TMEM154: variants seen among roughly 807,000 people sequenced by gnomAD.
TMEM154 encodes transmembrane protein 154.
In TMEM154, 27 loss-of-function variants were observed where a neutral mutation model predicts 24.5. That is an observed-to-expected ratio of 1.10 (90% confidence interval 0.81 to 1.52). The LOEUF is 1.52. TMEM154 is among the 40% of genes most tolerant of loss of function. The pLI, the probability that TMEM154 is intolerant of heterozygous loss-of-function variation, is 0.00. For missense variants in TMEM154, 228 were observed against 213.4 expected (o/e 1.07, Z -0.43); for synonymous variants, 67 against 76.8 (o/e 0.87, Z 0.67).
chr4:152,643,521 C>A (rs1440154852), intron 4 of TMEM154, among the ~76,000 whole-genome samples: 5 of 152,210 alleles, frequency 3.3e-5, no homozygotes, highest in Admixed American at 3.3e-4. Context: ...CCATATGAAG[C>A]ATTTTAGCCT....
intron 1 of TMEM154, among the ~76,000 whole-genome samples, chr4:152,673,463 G>T (rs915229566): frequency 2.6e-5 from 4 of 152,116 alleles, no homozygotes; most frequent in African/African-American, 9.7e-5. Flanking sequence ...ACCATGCCCA[G>T]CTAATTTTTG....
rs1433826170 is a variant in TMEM154 at position 152,628,203 on chromosome 4, A to G, written c.*343T>C. 3.1e-6 allele frequency: 1 copy of G among 325,566 alleles called. No individual in the cohort carries two copies. The highest frequency in any genetic ancestry group is 5.6e-6 in the Non-Finnish European group (1 of 178,978). The allele number at this position is 325,566 out of a possible 1,614,324, so 20.2% of individuals were successfully genotyped here. A position where few individuals can be genotyped will look rare whatever the true frequency, so the allele number is the denominator to read the frequency against. ...AAGGAATGAAGCAGAAAGGTGACGA[A>G]CATTTATCATGACCAGAGTGAGTTC... On this transcript the variant is annotated 3_prime_UTR_variant, in exon 7 of 7. Transcript: ENST00000304385.
At chr4:152,675,109 A>G (rs534340176) in intron 1 of TMEM154, among the ~76,000 whole-genome samples, 23 of 141,776 alleles carry the variant, frequency 1.6e-4, no homozygotes, top group Non-Finnish European at 3.2e-4. Context: ...GTGAGCCGAG[A>G]TCACACCACT....
intron 1 of TMEM154, among the ~76,000 whole-genome samples, chr4:152,671,695 C>G (rs1362128000): frequency 8.6e-5 from 10 of 115,974 alleles, no homozygotes; most frequent in Admixed American, 3.9e-4. Flanking sequence ...TGCAGTGAGC[C>G]GAGATCCCGC....
chr4:152,665,788 CTTT>C (rs560197111), intron 1 of TMEM154, among the ~76,000 whole-genome samples: 13 of 127,092 alleles, frequency 1.0e-4, no homozygotes, highest in African/African-American at 8.9e-5. Context: ...CAAGAATTTG[CTTT>C]TTTTTTTTTT....
intron 1 of TMEM154, among the ~76,000 whole-genome samples, chr4:152,664,853 T>C (rs1456643760): frequency 6.6e-6 from 1 of 152,240 alleles, no homozygotes; most frequent in Non-Finnish European, 1.5e-5. Context: ...CCCTGCGTTG[T>C]GGAGTAACTG....
intron 1 of TMEM154, chr4:152,668,899 C>A (rs537132461): frequency 6.6e-6 from 1 of 152,230 alleles, no homozygotes; most frequent in Admixed American, 6.5e-5. Flanking sequence ...ATCAGCTAAG[C>A]CCCGAACAGA....
chr4:152,643,219 T>C (rs1340763993), intron 4 of TMEM154, 46 bp from the exon 5 acceptor site: 3 of 1,370,296 alleles, frequency 2.2e-6, no homozygotes, highest in South Asian at 1.2e-5. Flanking sequence ...ATGTGAAAGA[T>C]GCCTAATTTC....
chr4:152,622,468 C>T lies in TMEM154; in HGVS notation c.*6078G>A, dbSNP rs1217007887. ...ATAAAACATTTTAGTAAACAAATATCTTATCCTCAAATACACTTTTATTCT... is the reference window on the plus strand; with the variant it reads ...ATAAAACATTTTAGTAAACAAATATTTTATCCTCAAATACACTTTTATTCT... On this transcript the variant is annotated 3_prime_UTR_variant, in exon 7 of 7. Coordinates refer to ENST00000304385, the MANE Select transcript of TMEM154 (RefSeq NM_152680.3). 1 of 152,050 alleles carries T rather than the reference C, an allele frequency of 6.6e-6. No individual in the cohort carries two copies. The highest frequency in any genetic ancestry group is 6.5e-5 in the Admixed American group (1 of 15,268). The allele number at this position is 152,050 out of a possible 1,614,324, so 9.4% of individuals were successfully genotyped here.
chr4:152,679,802 G>A, intron 1 of TMEM154, 68 bp downstream of exon 1: 1 of 1,561,982 alleles, frequency 6.4e-7, no homozygotes, highest in Admixed American at 1.9e-5. Context: ...GCAGAGTTCT[G>A]TAGCCTCGGG....
intron 3 of TMEM154, chr4:152,646,801 G>T (rs1728250607): frequency 1.7e-6 from 1 of 603,600 alleles, no homozygotes; most frequent in Admixed American, 2.9e-5. Context: ...GGAGCCTCTG[G>T]CTTCCTTTTC....
intron 1 of TMEM154, 84 bp downstream of exon 1, chr4:152,679,786 T>A: frequency 1.3e-6 from 2 of 1,539,924 alleles, no homozygotes; most frequent in Admixed American, 3.9e-5. Flanking sequence ...GGTGTCACCC[T>A]CCCCGGCAGA....
At chr4:152,659,853 G>A (rs1728560835) in intron 1 of TMEM154, among the ~76,000 whole-genome samples, 2 of 152,102 alleles carry the variant, frequency 1.3e-5, no homozygotes, top group Admixed American at 6.5e-5. Context: ...TTATAATTAG[G>A]CACAGTAAGC....
intron 1 of TMEM154, 37 bp from the exon 2 acceptor site, chr4:152,652,964 G>A: frequency 6.5e-7 from 1 of 1,539,408 alleles, no homozygotes; most frequent in Non-Finnish European, 8.7e-7. Context: ...TTTCCATGGA[G>A]ACAAAGTTAG....
intron 6 of TMEM154, 97 bp downstream of exon 6, chr4:152,640,831 A>G: frequency 1.0e-6 from 1 of 985,566 alleles, no homozygotes. Flanking sequence ...TACGAATTAT[A>G]GGCACGGAGG....
intron 3 of TMEM154, chr4:152,646,554 C>T (rs1728239680): frequency 5.4e-6 from 1 of 186,726 alleles, no homozygotes; most frequent in Non-Finnish European, 1.1e-5. Context: ...GAATAGCCAC[C>T]TATTCCCTTT....
At chr4:152,633,546 T>C (rs918233680) in intron 6 of TMEM154, among the ~76,000 whole-genome samples, 1 of 152,266 alleles carries the variant, frequency 6.6e-6, no homozygotes, top group African/African-American at 2.4e-5. Flanking sequence ...TAGCAAACTG[T>C]CACAGAATTG....
At chr4:152,640,340 C>T (rs926023853) in intron 6 of TMEM154, among the ~76,000 whole-genome samples, 2 of 152,126 alleles carry the variant, frequency 1.3e-5, no homozygotes, top group African/African-American at 4.8e-5. Context: ...CATGTCCTGA[C>T]AAAACAGTTC....
At chr4:152,655,709 C>A (rs79657201) in intron 1 of TMEM154, among the ~76,000 whole-genome samples, 7,100 of 151,918 alleles carry the variant, frequency 0.047, 201 homozygotes, top group East Asian at 0.072. Flanking sequence ...GCTATTGCTG[C>A]TATAAACTGC....
Sources: allele counts gnomAD v4.1 joint callset (sites outside exome capture counted in the v4.1 genomes callset), GRCh38; gene constraint gnomAD v4.1.1; transcripts MANE v1.5; gene names NCBI Gene and HGNC (gene_info 2026-07-23, HGNC 2026-07-21).